SLC7A7: variants seen among roughly 807,000 people sequenced by gnomAD.
The protein encoded by SLC7A7 is Y+L amino acid transporter 1.
Under a neutral mutation model 47.9 loss-of-function variants are expected in SLC7A7, and 39 were observed. The observed-to-expected ratio is 0.81, with a 90% CI of 0.63 to 1.06. The LOEUF is 1.06. Ranked by LOEUF, SLC7A7 falls within the 50% of genes least tolerant of loss-of-function variation. The pLI is 0.00. For missense variants in SLC7A7, 588 were observed against 632.0 expected (o/e 0.93, Z 0.75); for synonymous variants, 234 against 242.8 (o/e 0.96, Z 0.34).
At chr14:22,808,920 T>C (rs1392951662) in intron 2 of SLC7A7, among the ~76,000 whole-genome samples, 2 of 152,360 alleles carry the variant, frequency 1.3e-5, no homozygotes, top group African/African-American at 4.8e-5. Context: ...AATTCATAAT[T>C]CATGGTTTTC....
Position 22,775,443 on chromosome 14 carries a change from C to T in SLC7A7, c.1095+1G>A. On this transcript the variant is annotated splice_donor_variant, in intron 7 of 9. Coordinates refer to ENST00000674313, the MANE Select transcript of SLC7A7 (RefSeq NM_003982.4). LOFTEE classifies it high-confidence loss of function. Reference sequence around the variant, plus strand: ...TCAGTCTCATCCTTGAGTTCACTTACATTGAAGAGCAGAGAAGGCACTGGT... The same window carrying T: ...TCAGTCTCATCCTTGAGTTCACTTATATTGAAGAGCAGAGAAGGCACTGGT... 6.2e-7 allele frequency: 1 copy of T among 1,613,118 alleles called. No homozygotes were observed. The highest frequency in any genetic ancestry group is 2.2e-5 in the East Asian group (1 of 44,884).
chr14:22,815,212 T>G, intron 1 of SLC7A7, 108 bp downstream of exon 1: 1 of 376,732 alleles, frequency 2.7e-6, no homozygotes, highest in Non-Finnish European at 5.3e-6. Flanking sequence ...TGGAGAGATG[T>G]TAGGGTGAGA....
At chr14:22,795,414 C>CTT (rs1408690139) in intron 2 of SLC7A7, among the ~76,000 whole-genome samples, 2 of 117,938 alleles carry the variant, frequency 1.7e-5, no homozygotes, top group Non-Finnish European at 3.5e-5. Flanking sequence ...TTCTTTCTTT[C>CTT]TTTCTTTCTT....
intron 2 of SLC7A7, among the ~76,000 whole-genome samples, chr14:22,806,112 C>T: frequency 1.3e-5 from 1 of 77,270 alleles, no homozygotes; most frequent in Admixed American, 1.6e-4. Context: ...TAGCGAGACT[C>T]TGTCTCAAAA....
upstream of SLC7A7, among the ~76,000 whole-genome samples, chr14:22,817,925 G>C (rs933618646): frequency 1.3e-5 from 2 of 152,086 alleles, no homozygotes; most frequent in African/African-American, 4.8e-5. Context: ...TCTCCTTCCT[G>C]GCTGCCCCTC....
At chr14:22,800,943 A>T (rs2039102423) in intron 2 of SLC7A7, among the ~76,000 whole-genome samples, 1 of 151,884 alleles carries the variant, frequency 6.6e-6, no homozygotes, top group Non-Finnish European at 1.5e-5. Flanking sequence ...CCACCTCAAA[A>T]AAAGAAAAAA....
At chr14:22,813,730 C>A (rs1434925047) in intron 1 of SLC7A7, among the ~76,000 whole-genome samples, 2 of 151,824 alleles carry the variant, frequency 1.3e-5, no homozygotes, top group African/African-American at 4.8e-5. Flanking sequence ...TCAAGCGCTT[C>A]TCTTGCCTCA....
intron 2 of SLC7A7, among the ~76,000 whole-genome samples, chr14:22,803,027 G>A (rs1233841360): frequency 6.6e-6 from 1 of 152,042 alleles, no homozygotes; most frequent in Non-Finnish European, 1.5e-5. Flanking sequence ...TGTTCTATGT[G>A]CTGGTGATTC....
chr14:22,800,572 C>T (rs1001294900), intron 2 of SLC7A7, among the ~76,000 whole-genome samples: 6 of 152,178 alleles, frequency 3.9e-5, no homozygotes, highest in Non-Finnish European at 5.9e-5. Context: ...TGACTGCCCA[C>T]GAGTCACCAC....
At chr14:22,816,046 AAC>A (rs2039403261), upstream of SLC7A7, 1 of 197,116 alleles carries the variant, frequency 5.1e-6, no homozygotes. Flanking sequence ...CTTCAAAAGA[AAC>A]ACAGTCAAGA....
chr14:22,813,790 T>TTG (rs2039363299), intron 1 of SLC7A7, among the ~76,000 whole-genome samples: 1 of 26,666 alleles, frequency 3.8e-5, no homozygotes, highest in African/African-American at 9.5e-5. Flanking sequence ...GCGTGGCTAA[T>TTG]TTTTTTTTTT....
intron 2 of SLC7A7, among the ~76,000 whole-genome samples, chr14:22,792,091 T>C (rs2038934217): frequency 6.6e-6 from 1 of 151,840 alleles, no homozygotes; most frequent in Non-Finnish European, 1.5e-5. Context: ...CGCCTTGGCC[T>C]CCCAAAGTGC....
At chr14:22,779,864 G>A in intron 3 of SLC7A7, 62 bp downstream of exon 3, 1 of 1,434,066 alleles carries the variant, frequency 7.0e-7, no homozygotes, top group Non-Finnish European at 9.8e-7. Flanking sequence ...AGAGCACTTA[G>A]AGGAGTGCGG....
chr14:22,810,227 G>A (rs1246833729), intron 2 of SLC7A7, among the ~76,000 whole-genome samples: 1 of 152,004 alleles, frequency 6.6e-6, no homozygotes, highest in Non-Finnish European at 1.5e-5. Context: ...CACTTTGGGA[G>A]GCCGAGGTAG....
chr14:22,789,462 TACTAAAAATACA>T (rs923285631), intron 2 of SLC7A7, among the ~76,000 whole-genome samples: 8 of 151,916 alleles, frequency 5.3e-5, no homozygotes, highest in African/African-American at 1.9e-4. Flanking sequence ...ACCCCGTCTC[TACTAAAAATACA>T]AAAAATAGCT....
At chr14:22,789,233 G>A (rs1043281407) in intron 2 of SLC7A7, among the ~76,000 whole-genome samples, 1 of 152,158 alleles carries the variant, frequency 6.6e-6, no homozygotes, top group African/African-American at 2.4e-5. Flanking sequence ...TATCACTTGT[G>A]GTAGGTAGAC....
Position 22,778,847 on chromosome 14 carries a change from T to C in SLC7A7, c.716A>G (p.Tyr239Cys). The C allele has an allele frequency of 1.2e-6, 2 of 1,614,148 alleles. No individual in the cohort carries two copies. The highest frequency in any genetic ancestry group is 1.7e-6 in the Non-Finnish European group (2 of 1,180,020). ...ALALYSALFS[Y>C]SGWDTLNYVT... ...ATAGTTGAGGGTGTCCCAGCCTGAG[T>C]AGGAGAACAGAGCTGAGTACAGTGC... The change falls in exon 4 of 10, where the codon TAC becomes TGC. Residue 239 changes from tyrosine to cysteine, a missense_variant. Physicochemically the swap from Tyr to Cys is radical, Grantham distance 194. Coordinates refer to ENST00000674313, the MANE Select transcript of SLC7A7 (RefSeq NM_003982.4).
chr14:22,782,284 G>A (rs1170037628), intron 2 of SLC7A7, among the ~76,000 whole-genome samples: 2 of 151,234 alleles, frequency 1.3e-5, no homozygotes, highest in Admixed American at 6.6e-5. Context: ...TATATTTTTA[G>A]TAGAGATGAG....
chr14:22,787,928 C>T (rs992720938), intron 2 of SLC7A7, among the ~76,000 whole-genome samples: 12 of 151,790 alleles, frequency 7.9e-5, no homozygotes, highest in Non-Finnish European at 1.5e-5. Context: ...AAAAAGTTAG[C>T]CGGGCGTGGT....
Sources: gnomAD v4.1 joint callset for allele counts (sites outside exome capture counted in the v4.1 genomes callset) on GRCh38, gnomAD v4.1.1 for gene constraint, MANE v1.5 for transcripts, NCBI Gene and HGNC (gene_info 2026-07-23, HGNC 2026-07-21) for gene names.